The following RUFY1 variants were observed in gnomAD, a reference collection of about 807,000 sequenced individuals.
RUFY1 encodes RUN and FYVE domain-containing protein 1.
A neutral mutation model predicts 94.6 loss-of-function variants in RUFY1; 54 were observed. The observed-to-expected ratio is 0.57, with a 90% confidence interval of 0.46 to 0.72. The LOEUF (loss-of-function observed/expected upper bound fraction) is 0.72. Ranked by LOEUF, RUFY1 falls within the 30% of genes least tolerant of loss-of-function variation. RUFY1 has a pLI of 0.00. For synonymous variants in RUFY1, 396 were observed against 347.3 expected, an observed-to-expected ratio of 1.14 and a Z score of -1.56; for missense variants, 883 against 883.9, an observed-to-expected ratio of 1.00 and a Z score of 0.01.
intron 14 of RUFY1, among the ~76,000 whole-genome samples, chr5:179,600,719 C>T (rs796659545): frequency 9.7e-4 from 70 of 71,826 alleles, no homozygotes; most frequent in African/African-American, 3.5e-3. Flanking sequence ...TTTTTTGAGA[C>T]GGAGTCTTGC....
chr5:179,569,829 C>T lies in RUFY1; in HGVS notation c.828+404C>T, dbSNP rs368691977. On this transcript the variant is annotated intron_variant, in intron 5 of 17. Coordinates refer to ENST00000319449, the MANE Select transcript of RUFY1 (RefSeq NM_025158.5). Reference sequence around the variant, plus strand: ...GCGCGATCTCGGCTCCCTGCAACCTCCGCCTCCCGGGTTCACACCATTCTC... The same window carrying T: ...GCGCGATCTCGGCTCCCTGCAACCTTCGCCTCCCGGGTTCACACCATTCTC... Among the ~76,000 whole-genome samples, 573 of 152,280 alleles carry T rather than the reference C, an allele frequency of 3.8e-3. 5 individuals carry two copies. The highest frequency in any genetic ancestry group is 0.013 in the African/African-American group (559 of 41,588).
chr5:179,609,619 G>T lies in RUFY1; in HGVS notation c.*100G>T, dbSNP rs529473535. 3 of 1,245,488 alleles carry T rather than the reference G, an allele frequency of 2.4e-6. No homozygotes were observed. In the East Asian group the frequency reaches 8.3e-5, roughly 34 times the overall value. The allele number at this position is 1,245,488 out of a possible 1,614,324, so 77.2% of individuals were successfully genotyped here. On this transcript the variant is annotated 3_prime_UTR_variant, in exon 18 of 18. Transcript: ENST00000319449. ...TCTTTCCCAAGAGTATCAAAGGAAA[G>T]AATCAAATTTCTTGCCCGGTCACTG...
intron 7 of RUFY1, 127 bp from the exon 8 acceptor site, chr5:179,585,664 CTGAGT>C (rs1321094610): frequency 7.6e-6 from 5 of 655,880 alleles, no homozygotes; most frequent in South Asian, 3.7e-5. Flanking sequence ...CTCATCTTCT[CTGAGT>C]TAATTGGAGA....
intron 15 of RUFY1, among the ~76,000 whole-genome samples, chr5:179,604,687 A>C (rs1766857675): frequency 2.0e-5 from 3 of 152,162 alleles, no homozygotes; most frequent in African/African-American, 7.2e-5. Flanking sequence ...GCTTTTAAGA[A>C]AGACCCAGGC....
At chr5:179,604,857 G>A (rs770493982) in intron 15 of RUFY1, among the ~76,000 whole-genome samples, 6 of 151,710 alleles carry the variant, frequency 4.0e-5, no homozygotes, top group African/African-American at 7.3e-5. Context: ...GGTGTCGGGC[G>A]CCTGTCATCC....
intron 1 of RUFY1, among the ~76,000 whole-genome samples, chr5:179,559,119 G>T (rs1278555255): frequency 1.3e-5 from 2 of 152,164 alleles, no homozygotes; most frequent in African/African-American, 4.8e-5. Context: ...CGCGCGCCCG[G>T]GTGAGGGCCG....
chr5:179,592,991 A>T (rs1765238666), intron 10 of RUFY1, among the ~76,000 whole-genome samples: 1 of 152,206 alleles, frequency 6.6e-6, no homozygotes. Context: ...CCGTGCAGTG[A>T]GGAAAAGGGC....
At chr5:179,567,634 C>G in intron 4 of RUFY1, 72 bp downstream of exon 4, 1 of 1,078,226 alleles carries the variant, frequency 9.3e-7, no homozygotes, top group South Asian at 1.3e-5. Flanking sequence ...TGCGGTGGCT[C>G]ACACCTGTAA....
chr5:179,590,668 T>C (rs1281246732), intron 9 of RUFY1, among the ~76,000 whole-genome samples: 1 of 151,754 alleles, frequency 6.6e-6, no homozygotes, highest in Non-Finnish European at 1.5e-5. Flanking sequence ...TCTATATTTT[T>C]AGTAGAGACG....
chr5:179,609,639 T>G lies in RUFY1; in HGVS notation c.*120T>G. On this transcript the variant is annotated 3_prime_UTR_variant, in exon 18 of 18. Transcript: ENST00000319449. The stretch of plus-strand genomic sequence containing the variant: ...GGAAAGAATCAAATTTCTTGCCCGG[T>G]CACTGGCACTCCAGAAGACAGCGTG... 9.8e-7 allele frequency: 1 copy of G among 1,019,856 alleles called. No individual in the cohort carries two copies. The highest frequency in any genetic ancestry group is 1.4e-6 in the Non-Finnish European group (1 of 727,346). The allele number at this position is 1,019,856 out of a possible 1,614,324, so 63.2% of individuals were successfully genotyped here.
At chr5:179,584,535 T>C (rs1259337012) in intron 7 of RUFY1, among the ~76,000 whole-genome samples, 1 of 152,102 alleles carries the variant, frequency 6.6e-6, no homozygotes, top group African/African-American at 2.4e-5. Flanking sequence ...TCTCAGCAGT[T>C]TGGGAGGCTG....
chr5:179,556,599 C>G lies in RUFY1; in HGVS notation c.311-3426C>G, dbSNP rs367678682. ...CACTGCAACCTCCGCCTCCCGAGTTCAAGTGATCCTCCCACCTCAGCCTCC... is the reference window on the plus strand; with the variant it reads ...CACTGCAACCTCCGCCTCCCGAGTTGAAGTGATCCTCCCACCTCAGCCTCC... On this transcript the variant is annotated intron_variant, in intron 1 of 17. Transcript: ENST00000319449. Among the ~76,000 whole-genome samples the G allele has an allele frequency of 1.6e-4, 25 of 152,026 alleles. No individual in the cohort carries two copies. The South Asian group carries it at 5.2e-3, about 32-fold the overall frequency.
intron 15 of RUFY1, 51 bp from the exon 16 acceptor site, chr5:179,605,825 A>AGTGGGG: frequency 8.4e-7 from 1 of 1,194,698 alleles, no homozygotes; most frequent in Non-Finnish European, 1.2e-6. Flanking sequence ...TTAGGGATTC[A>AGTGGGG]GAGCCTCACT....
rs369137079 is a variant in RUFY1 at position 179,594,857 on chromosome 5, C to G, written c.1414-9C>G. On this transcript the variant is annotated splice_polypyrimidine_tract_variant and intron_variant, in intron 11 of 17. Coordinates refer to ENST00000319449, the MANE Select transcript of RUFY1 (RefSeq NM_025158.5). ...AGGCAGAGTATGAACCCTTCCTTTG[C>G]TTTTGTAGAATGCAGAGAGCAGTTT... is the stretch of plus-strand genomic sequence containing the variant. 3.1e-6 allele frequency: 5 copies of G among 1,592,412 alleles called. No individual in the cohort carries two copies. The highest frequency in any genetic ancestry group is 1.7e-4 in the Middle Eastern group (1 of 5,976).
At chr5:179,565,029 A>C (rs1762734580) in intron 3 of RUFY1, among the ~76,000 whole-genome samples, 2 of 152,150 alleles carry the variant, frequency 1.3e-5, no homozygotes, top group Non-Finnish European at 2.9e-5. Flanking sequence ...TATATTTGGT[A>C]CCTGTTTTCA....
intron 3 of RUFY1, among the ~76,000 whole-genome samples, chr5:179,563,861 A>C (rs1356744854): frequency 6.6e-6 from 1 of 151,934 alleles, no homozygotes; most frequent in East Asian, 1.9e-4. Context: ...TTGTAGAGAC[A>C]GGGTGTTGCC....
At chr5:179,596,909 ACT>A (rs1765712194) in intron 13 of RUFY1, 4 of 506,304 alleles carry the variant, frequency 7.9e-6, no homozygotes, top group Non-Finnish European at 1.4e-5. Context: ...AGATCTGGCC[ACT>A]CTCAAACCAT....
At chr5:179,589,086 A>G (rs1211222415) in intron 8 of RUFY1, among the ~76,000 whole-genome samples, 1 of 152,172 alleles carries the variant, frequency 6.6e-6, no homozygotes, top group Non-Finnish European at 1.5e-5. Context: ...AATACAGGTG[A>G]GAGCATACCA....
chr5:179,577,528 T>A (rs1763722816), intron 6 of RUFY1, among the ~76,000 whole-genome samples: 2 of 148,906 alleles, frequency 1.3e-5, no homozygotes, highest in Admixed American at 6.8e-5. Context: ...GGGCCGGGTC[T>A]CCGGACGGAA....
Sources: gnomAD v4.1 joint callset for allele counts (sites outside exome capture counted in the v4.1 genomes callset) on GRCh38, gnomAD v4.1.1 for gene constraint, MANE v1.5 for transcripts, NCBI Gene and HGNC (gene_info 2026-07-23, HGNC 2026-07-21) for gene names.